EBF1: variants seen among roughly 807,000 people sequenced by gnomAD.
EBF1 encodes the protein transcription factor COE1.
In EBF1, 10 loss-of-function variants were observed where a neutral mutation model predicts 68.4. The observed-to-expected ratio is 0.15, with a 90% CI of 0.09 to 0.25. The LOEUF (loss-of-function observed/expected upper bound fraction) is 0.25. Among genes scored for constraint, EBF1 ranks in the 10% least tolerant of loss-of-function variants. EBF1 has a pLI of 1.00. For missense variants in EBF1, 509 were observed against 794.4 expected (o/e 0.64, Z 4.32); for synonymous variants, 298 against 299.8 (o/e 0.99, Z 0.06).
chr5:158,748,330 A>G (rs1768041685), intron 10 of EBF1, among the ~76,000 whole-genome samples: 1 of 152,094 alleles, frequency 6.6e-6, no homozygotes, highest in Non-Finnish European at 1.5e-5. Flanking sequence ...TCCCCTCATC[A>G]AGTAAGTTGA....
intron 6 of EBF1, among the ~76,000 whole-genome samples, chr5:159,067,023 G>T (rs376192535): frequency 6.6e-6 from 1 of 152,052 alleles, no homozygotes; most frequent in African/African-American, 2.4e-5. Context: ...ATCTCTTTAC[G>T]CAGGAACCAC....
At chr5:158,802,160 C>A (rs901436474) in intron 8 of EBF1, among the ~76,000 whole-genome samples, 1 of 152,092 alleles carries the variant, frequency 6.6e-6, no homozygotes, top group African/African-American at 2.4e-5. Flanking sequence ...CTTCTGAAAT[C>A]TCTCTGTGCT....
intron 8 of EBF1, among the ~76,000 whole-genome samples, chr5:158,807,727 C>G (rs1781850662): frequency 6.6e-6 from 1 of 152,144 alleles, no homozygotes; most frequent in Admixed American, 6.6e-5. Context: ...TACGTCTTCT[C>G]CCAAAACACA....
chr5:158,816,384 C>T lies in EBF1; in HGVS notation c.778+6792G>A, dbSNP rs116799607. 1.9e-3 allele frequency among the ~76,000 whole-genome samples: 291 copies of T among 152,350 alleles called. 1 individual carries two copies. Among genetic ancestry groups the T allele is most frequent in the Non-Finnish European group, 2.3e-3 (158 of 68,032 alleles). ...GAAACTATGCAAACCCTGAAATGCACATGGACAAGTACAAAGAGTGCTGAA... is the reference window on the plus strand; with the variant it reads ...GAAACTATGCAAACCCTGAAATGCATATGGACAAGTACAAAGAGTGCTGAA... On this transcript the variant is annotated intron_variant, in intron 8 of 15. Transcript: ENST00000313708.
intron 6 of EBF1, among the ~76,000 whole-genome samples, chr5:159,009,310 C>A (rs1764179684): frequency 1.3e-5 from 2 of 152,086 alleles, no homozygotes; most frequent in African/African-American, 4.8e-5. Context: ...GTTAAGAGAC[C>A]CACACAGAAC....
At chr5:158,869,627 GTTTGT>G (rs1246041357) in intron 6 of EBF1, among the ~76,000 whole-genome samples, 3 of 147,176 alleles carry the variant, frequency 2.0e-5, no homozygotes, top group African/African-American at 5.0e-5. Flanking sequence ...ACGTTTTGTT[GTTTGT>G]TTTGTTTTGT....
chr5:158,976,320 T>C (rs1475939224), intron 6 of EBF1, among the ~76,000 whole-genome samples: 1 of 152,180 alleles, frequency 6.6e-6, no homozygotes, highest in Non-Finnish European at 1.5e-5. Context: ...AATGGATTTC[T>C]TTGTTGGGTA....
At chr5:159,066,540 T>C (rs1776830968) in intron 6 of EBF1, among the ~76,000 whole-genome samples, 1 of 151,952 alleles carries the variant, frequency 6.6e-6, no homozygotes, top group Admixed American at 6.6e-5. Context: ...TCATTTAACA[T>C]ATGTGACACC....
chr5:159,024,924 A>G lies in EBF1; in HGVS notation c.554+48472T>C, dbSNP rs534011666. The stretch of plus-strand genomic sequence containing the variant: ...TGGAGCCTGGCACTTACACAGTAAC[A>G]TAGGTGCGCAGAGCCACCTTGCCTG... On this transcript the variant is annotated intron_variant, in intron 6 of 15. Coordinates refer to ENST00000313708, the MANE Select transcript of EBF1 (RefSeq NM_024007.5). Among the ~76,000 whole-genome samples the G allele has an allele frequency of 5.3e-5, 8 of 152,354 alleles. No individual in the cohort carries two copies. In the South Asian group the frequency reaches 1.4e-3, roughly 28 times the overall value.
chr5:158,750,515 G>A (rs955052520), intron 10 of EBF1, among the ~76,000 whole-genome samples: 1 of 152,084 alleles, frequency 6.6e-6, no homozygotes, highest in African/African-American at 2.4e-5. Context: ...ATAAAAAAGA[G>A]AGAGGAGACT....
intron 10 of EBF1, among the ~76,000 whole-genome samples, chr5:158,748,492 A>C (rs533564370): frequency 6.6e-6 from 1 of 152,282 alleles, no homozygotes; most frequent in East Asian, 1.9e-4. Flanking sequence ...TTGAATGCAC[A>C]TATCAGTTAA....
intron 9 of EBF1, among the ~76,000 whole-genome samples, chr5:158,779,470 C>CCT (rs1362747139): frequency 6.6e-6 from 1 of 152,060 alleles, no homozygotes; most frequent in Non-Finnish European, 1.5e-5. Flanking sequence ...GTTTTCTGTA[C>CCT]CTATGCTCTC....
At position 158,823,198 on chromosome 5, in the gene EBF1, A is replaced by G. The variant is rs753344439; in HGVS notation, c.756T>C (p.Gly252=). Residue 252 remains glycine, a synonymous_variant, in exon 8 of 16, where the codon GGT becomes GGC. Coordinates refer to ENST00000313708, the MANE Select transcript of EBF1 (RefSeq NM_024007.5). The part of the protein sequence containing the change: ...RRARRLDPSE[G]TPSYLEHATP... ...TACCATGTTCCAGATAAGAGGGCGT[A>G]CCTTCCGAGGGGTCAAGCCTCCGAG... 1.2e-5 allele frequency: 20 copies of G among 1,613,878 alleles called. No individual in the cohort carries two copies. Among genetic ancestry groups the G allele is most frequent in the Non-Finnish European group, 1.7e-5 (20 of 1,179,924 alleles).
chr5:158,802,031 C>T (rs1350272408), intron 8 of EBF1, among the ~76,000 whole-genome samples: 1 of 152,066 alleles, frequency 6.6e-6, no homozygotes, highest in African/African-American at 2.4e-5. Flanking sequence ...ATGTTTACCT[C>T]GGGTTTTATG....
At chr5:158,956,166 TC>T (rs1448073240) in intron 6 of EBF1, among the ~76,000 whole-genome samples, 1 of 150,892 alleles carries the variant, frequency 6.6e-6, no homozygotes, top group Non-Finnish European at 1.5e-5. Context: ...AGCAACACAC[TC>T]CAGTCCACAG....
intron 6 of EBF1, among the ~76,000 whole-genome samples, chr5:158,926,201 T>G (rs1028439605): frequency 1.3e-5 from 2 of 152,204 alleles, no homozygotes; most frequent in African/African-American, 4.8e-5. Context: ...CATATCTATG[T>G]GTATTTCAAC....
At chr5:158,823,028 G>A (rs1163448199) in intron 8 of EBF1, 148 bp downstream of exon 8, 1 of 1,031,512 alleles carries the variant, frequency 9.7e-7, no homozygotes, top group Non-Finnish European at 1.4e-6. Context: ...ACCATATGTT[G>A]AAGAGAAAAA....
intron 6 of EBF1, among the ~76,000 whole-genome samples, chr5:158,931,352 C>T (rs1810853195): frequency 6.6e-6 from 1 of 152,202 alleles, no homozygotes; most frequent in Admixed American, 6.5e-5. Flanking sequence ...TTTGTCAATA[C>T]ACTTAACTAC....
intron 6 of EBF1, among the ~76,000 whole-genome samples, chr5:159,050,178 CTCTT>C (rs751964754): frequency 1.1e-4 from 16 of 142,078 alleles, no homozygotes; most frequent in African/African-American, 3.4e-4. Flanking sequence ...CTCTCTCTCT[CTCTT>C]CTCTCTTTTC....
Sources: allele counts gnomAD v4.1 joint callset (sites outside exome capture counted in the v4.1 genomes callset), GRCh38; gene constraint gnomAD v4.1.1; transcripts MANE v1.5; gene names NCBI Gene and HGNC (gene_info 2026-07-23, HGNC 2026-07-21).